The following SPINK2 variants were observed in gnomAD, a reference collection of about 807,000 sequenced individuals.
SPINK2 encodes serine protease inhibitor Kazal-type 2.
SPINK2 carries 8 observed loss-of-function variants against 13.5 expected under a neutral mutation model. That is an observed-to-expected ratio of 0.59 (90% confidence interval 0.35 to 1.07). The LOEUF (loss-of-function observed/expected upper bound fraction) is 1.07. SPINK2 is among the 50% of genes least tolerant of loss of function. The pLI is 0.02. For synonymous variants in SPINK2, 76 were observed against 74.7 expected, an observed-to-expected ratio of 1.02 and a Z score of -0.09; for missense variants, 148 against 180.3, an observed-to-expected ratio of 0.82 and a Z score of 1.03.
Position 56,810,821 on chromosome 4 carries a change from A to C in SPINK2, c.360-637T>G, listed in dbSNP as rs1019427397. Reference sequence around the variant, plus strand: ...GGGCGACAAGTGAGACTCAGTCTCAAAAAAAAAAAAAAGAATCAGAGAAGA... The same window carrying C: ...GGGCGACAAGTGAGACTCAGTCTCACAAAAAAAAAAAAGAATCAGAGAAGA... On this transcript the variant is annotated intron_variant, in intron 3 of 3. Coordinates refer to ENST00000506738, the MANE Select transcript of SPINK2 (RefSeq NM_001271718.2). 5 of 148,836 alleles carry C rather than the reference A, an allele frequency of 3.4e-5. No individual in the cohort carries two copies. The Admixed American group carries it at 3.4e-4, about 10-fold the overall frequency. 9.2% of individuals were successfully genotyped at this position (148,836 alleles called of 1,614,324 possible).
intron 2 of SPINK2, among the ~76,000 whole-genome samples, chr4:56,815,769 C>CACAT (rs1369760882): frequency 2.3e-5 from 3 of 131,254 alleles, no homozygotes; most frequent in African/African-American, 8.2e-5. Flanking sequence ...AATTCACACA[C>CACAT]ACACACACAC....
chr4:56,820,737 C>T (rs887957847), intron 1 of SPINK2, among the ~76,000 whole-genome samples, 158 bp from the exon 2 acceptor site: 10 of 151,928 alleles, frequency 6.6e-5, no homozygotes, highest in Non-Finnish European at 1.3e-4. Context: ...TCCCAAAGTG[C>T]TGGAATTTGA....
chr4:56,810,600 A>G, intron 3 of SPINK2: 1 of 173,988 alleles, frequency 5.7e-6, no homozygotes, highest in Non-Finnish European at 1.2e-5. Context: ...GCACTTTGGG[A>G]GGCTGAAGTG....
Position 56,814,641 on chromosome 4 carries a change from T to C in SPINK2, c.250-2847A>G, listed in dbSNP as rs190869619. On this transcript the variant is annotated intron_variant, in intron 2 of 3. Transcript: ENST00000506738. ...TTGGAGTTAACAGTTTAAAGGAACCTCCAAAACTCTTTTATGATTTTTTTT... is the reference window on the plus strand; with the variant it reads ...TTGGAGTTAACAGTTTAAAGGAACCCCCAAAACTCTTTTATGATTTTTTTT... Among the ~76,000 whole-genome samples the C allele has an allele frequency of 2.6e-3, 398 of 151,732 alleles. 3 individuals are homozygous for C. Among genetic ancestry groups the C allele is most frequent in the Non-Finnish European group, 3.8e-3 (261 of 67,954 alleles).
At position 56,810,005 on chromosome 4, in the gene SPINK2, T is replaced by C; in HGVS notation, c.*134A>G. On this transcript the variant is annotated 3_prime_UTR_variant, in exon 4 of 4. Coordinates refer to ENST00000506738, the MANE Select transcript of SPINK2 (RefSeq NM_001271718.2). The stretch of plus-strand genomic sequence containing the variant: ...CATCACTACACATGGCTGTCTTCCA[T>C]ACCTGCTCTCAGAAAATGTGTGTTA... The C allele has an allele frequency of 6.6e-7, 1 of 1,521,110 alleles. No homozygotes were observed. Among genetic ancestry groups the C allele is most frequent in the Non-Finnish European group, 8.8e-7 (1 of 1,139,922 alleles). The allele number at this position is 1,521,110 out of a possible 1,614,324, so 94.2% of individuals were successfully genotyped here.
At position 56,811,798 on chromosome 4, in the gene SPINK2, GA is replaced by G. The variant is rs1560412632; in HGVS notation, c.250-5del. 1.3e-6 allele frequency: 2 copies of G among 1,589,218 alleles called. No individual in the cohort carries two copies. The highest frequency in any genetic ancestry group is 1.7e-6 in the Non-Finnish European group (2 of 1,163,374). On this transcript the variant is annotated splice_region_variant and splice_polypyrimidine_tract_variant and intron_variant, in intron 2 of 3. Coordinates refer to ENST00000506738, the MANE Select transcript of SPINK2 (RefSeq NM_001271718.2). Reference sequence around the variant, plus strand: ...ATCTATACTGAGAGCAGTTTGGCTGGAAAAAAGAAAGAGAGAAATTCGAGAA... The same window carrying G: ...ATCTATACTGAGAGCAGTTTGGCTGGAAAAAGAAAGAGAGAAATTCGAGAA...
At chr4:56,810,877 A>G (rs1028282154) in intron 3 of SPINK2, among the ~76,000 whole-genome samples, 1 of 152,048 alleles carries the variant, frequency 6.6e-6, no homozygotes, top group African/African-American at 2.4e-5. Flanking sequence ...AATCCCTGCT[A>G]TATACAAAGC....
intron 2 of SPINK2, among the ~76,000 whole-genome samples, chr4:56,818,694 C>A (rs746121616): frequency 6.6e-5 from 10 of 152,044 alleles, no homozygotes; most frequent in Non-Finnish European, 1.2e-4. Context: ...GGTCCTGCAG[C>A]ACTTGCCTTG....
chr4:56,811,279 A>C (rs1716950502), intron 3 of SPINK2, among the ~76,000 whole-genome samples: 1 of 152,152 alleles, frequency 6.6e-6, no homozygotes, highest in African/African-American at 2.4e-5. Context: ...TGATTCTTAC[A>C]TCCAAGAAAA....
At chr4:56,817,183 T>C (rs974729317) in intron 2 of SPINK2, among the ~76,000 whole-genome samples, 6 of 152,152 alleles carry the variant, frequency 3.9e-5, no homozygotes, top group East Asian at 3.9e-4. Flanking sequence ...GCCTGAGCGA[T>C]AGAGCGAGAC....
rs1314953888 is a variant in SPINK2 at position 56,821,503 on chromosome 4, C to G, written c.160G>C (p.Gly54Arg). Residue 54 changes from glycine (G) to arginine (R), a missense_variant, in exon 1 of 4, where the codon GGT becomes CGT. Gly to Arg is a moderately radical substitution (Grantham distance 125). Transcript: ENST00000506738. ...CCGCCAGTAACGGGCGCGCGGGTAC[C>G]GTCGCCGAGGCCGCCCGGAGCAGGG... ...PCPAPGGLGD[G>R]TRAPVTGGSP... 3 of 1,539,712 alleles carry G rather than the reference C, an allele frequency of 1.9e-6. No individual in the cohort carries two copies. Among genetic ancestry groups the G allele is most frequent in the South Asian group, 1.2e-5 (1 of 83,404 alleles).
At chr4:56,819,479 G>A (rs1717745298) in intron 2 of SPINK2, among the ~76,000 whole-genome samples, 1 of 152,160 alleles carries the variant, frequency 6.6e-6, no homozygotes, top group Non-Finnish European at 1.5e-5. Flanking sequence ...CCATTATTTA[G>A]AATAACCAGG....
At chr4:56,820,451 G>C (rs1281119618) in intron 2 of SPINK2, 85 bp downstream of exon 2, 9 of 1,074,536 alleles carry the variant, frequency 8.4e-6, no homozygotes, top group Non-Finnish European at 1.3e-5. Flanking sequence ...AAAGTGGCAG[G>C]TCAGACCTGA....
Position 56,818,064 on chromosome 4 carries a change from G to T in SPINK2, c.249+2472C>A, listed in dbSNP as rs78241491. Reference sequence around the variant, plus strand: ...AAGCAGCAGTGTGTAGCAGGAAGTGGAAAGTGAAGATACCAAAAGGATGGG... The same window carrying T: ...AAGCAGCAGTGTGTAGCAGGAAGTGTAAAGTGAAGATACCAAAAGGATGGG... On this transcript the variant is annotated intron_variant, in intron 2 of 3. Transcript: ENST00000506738. 7.2e-3 allele frequency among the ~76,000 whole-genome samples: 1,100 copies of T among 152,278 alleles called. 20 individuals carry two copies. Among genetic ancestry groups the T allele is most frequent in the African/African-American group, 0.024 (1,008 of 41,560 alleles).
intron 2 of SPINK2, among the ~76,000 whole-genome samples, chr4:56,815,701 A>C (rs1040608638): frequency 6.6e-6 from 1 of 151,958 alleles, no homozygotes; most frequent in Non-Finnish European, 1.5e-5. Flanking sequence ...CGTGTCTCAA[A>C]AAACAAACAA....
chr4:56,821,762 C>A, upstream of SPINK2: 1 of 1,224,950 alleles, frequency 8.2e-7, no homozygotes, highest in Non-Finnish European at 1.1e-6. Context: ...GGGGAAGGGG[C>A]GGGGCGAGAA....
In SPINK2 at chr4:56,816,403, C is replaced by G. The variant is rs145878457; in HGVS notation, c.249+4133G>C. ...ACAGTGGCTCACACCTGTAATCCCA[C>G]CACTTTGGGAGGCCGAGGTGGGAGG... is the stretch of plus-strand genomic sequence containing the variant. On this transcript the variant is annotated intron_variant, in intron 2 of 3. Coordinates refer to ENST00000506738, the MANE Select transcript of SPINK2 (RefSeq NM_001271718.2). Among the ~76,000 whole-genome samples, 1,017 of 151,880 alleles carry G rather than the reference C, an allele frequency of 6.7e-3. 14 individuals are homozygous for G. Among genetic ancestry groups the G allele is most frequent in the African/African-American group, 0.022 (931 of 41,450 alleles).
In SPINK2 at chr4:56,821,608, C is replaced by T. The variant is rs762470390; in HGVS notation, c.55G>A (p.Gly19Ser). Residue 19 changes from glycine to serine, a missense_variant, in exon 1 of 4, where the codon GGT becomes AGT. Gly to Ser is a moderately conservative substitution (Grantham distance 56, BLOSUM62 0). Coordinates refer to ENST00000506738, the MANE Select transcript of SPINK2 (RefSeq NM_001271718.2). ...TCGCCAGGACCGCTCCGAGCGCTAC[C>T]TGCGAAGGTAACTGCCAGGAGCAGC... ...ALLLLAVTFA[G>S]SARSGPGERG... 1 of 1,549,634 alleles carries T rather than the reference C, an allele frequency of 6.5e-7. No individual in the cohort carries two copies. The highest frequency in any genetic ancestry group is 8.7e-7 in the Non-Finnish European group (1 of 1,147,558).
intron 3 of SPINK2, among the ~76,000 whole-genome samples, chr4:56,811,375 T>C (rs539824238): frequency 6.6e-6 from 1 of 152,192 alleles, no homozygotes; most frequent in Admixed American, 6.5e-5. Flanking sequence ...TCCCAGCACT[T>C]TGGGAGGCCA....
Sources: allele counts gnomAD v4.1 joint callset (sites outside exome capture counted in the v4.1 genomes callset), GRCh38; gene constraint gnomAD v4.1.1; transcripts MANE v1.5; gene names NCBI Gene and HGNC (gene_info 2026-07-23, HGNC 2026-07-21).